The following WDR47 variants were observed in gnomAD, a reference collection of about 807,000 sequenced individuals.
WDR47 encodes the protein WD repeat domain 47.
WDR47 carries 32 observed loss-of-function variants against 97.2 expected under a neutral mutation model. That is an observed-to-expected ratio of 0.33 (90% confidence interval 0.25 to 0.44). WDR47 has a LOEUF of 0.44. Ranked by LOEUF, WDR47 falls within the 20% of genes least tolerant of loss-of-function variation. The probability of loss-of-function intolerance (pLI) is 1.00; values close to 1 mark genes in which losing one functional copy is unlikely to be tolerated. For missense variants in WDR47, 782 were observed against 1,102.3 expected, an observed-to-expected ratio of 0.71 and a Z score of 4.11; for synonymous variants, 375 against 373.5, an observed-to-expected ratio of 1.00 and a Z score of -0.05.
chr1:109,017,176 AAC>A (rs1661478498), intron 3 of WDR47, among the ~76,000 whole-genome samples: 1 of 152,174 alleles, frequency 6.6e-6, no homozygotes, highest in African/African-American at 2.4e-5. Context: ...ACATTAAATC[AAC>A]TTAAAATAAT....
chr1:108,982,132 T>C (rs2101815793), intron 12 of WDR47, among the ~76,000 whole-genome samples: 1 of 152,120 alleles, frequency 6.6e-6, no homozygotes, highest in South Asian at 2.1e-4. Context: ...ACAGGGCAAG[T>C]GGTGGTCTGG....
intron 1 of WDR47, among the ~76,000 whole-genome samples, chr1:109,026,303 G>A (rs1348662121): frequency 6.6e-6 from 1 of 150,994 alleles, no homozygotes; most frequent in Non-Finnish European, 1.5e-5. Flanking sequence ...CTCTCGCCTC[G>A]GCATCCCAAA....
intron 1 of WDR47, among the ~76,000 whole-genome samples, chr1:109,040,089 C>CAACTCAAA (rs1352632587): frequency 6.7e-6 from 1 of 148,984 alleles, no homozygotes; most frequent in Non-Finnish European, 1.5e-5. Context: ...AAAGTGCTTT[C>CAACTCAAA]AACTCAAAGC....
chr1:109,041,126 C>T (rs1463451834), intron 1 of WDR47, among the ~76,000 whole-genome samples: 2 of 151,488 alleles, frequency 1.3e-5, no homozygotes, highest in African/African-American at 2.4e-5. Flanking sequence ...CTACCCTCGC[C>T]CCCCGCCCCC....
rs1342087461 is a variant in WDR47 at position 108,971,452 on chromosome 1, G to A, written c.2738C>T (p.Thr913Ile). Residue 913 changes from threonine (T) to isoleucine (I), a missense_variant, in exon 15 of 15, where the codon ACC becomes ATC. By Grantham distance (89) the Thr-to-Ile change is moderately conservative. Around this residue, in one of 3 missense-constraint regions of WDR47, gnomAD observed 228 missense variants for 396.7 expected, o/e 0.57. Transcript: ENST00000369962. ...FLSSSADRTV[T>I]LWTYNG ...GCTCTACCCATTGTAAGTCCAGAGG[G>A]TGACAGTTCTATCTGCAGAGGATGA... The A allele has an allele frequency of 3.1e-6, 5 of 1,614,080 alleles. No homozygotes were observed. Among genetic ancestry groups the A allele is most frequent in the South Asian group, 2.2e-5 (2 of 91,084 alleles).
chr1:109,017,452 T>C, intron 3 of WDR47, 66 bp downstream of exon 3: 1 of 1,349,830 alleles, frequency 7.4e-7, no homozygotes, highest in Non-Finnish European at 1.0e-6. Context: ...AATGAAAATT[T>C]TTGTTCATTG....
In WDR47 at chr1:109,011,846, C is replaced by T. The variant is rs765610980; in HGVS notation, c.328-128G>A. ...CTCATATAATTTGTAGGATATGCAA[C>T]AGCTTTCAAGATAGGAACATAATGT... On this transcript the variant is annotated intron_variant, in intron 4 of 14. Coordinates refer to ENST00000369962, the MANE Select transcript of WDR47 (RefSeq NM_001142551.2). The T allele has an allele frequency of 4.0e-4, 344 of 856,580 alleles. 2 individuals are homozygous for T. Among genetic ancestry groups the T allele is most frequent in the Middle Eastern group, 2.3e-3 (6 of 2,648 alleles). 53.1% of individuals were successfully genotyped at this position (856,580 alleles called of 1,614,324 possible). A position where few individuals can be genotyped will look rare whatever the true frequency, so the allele number is the denominator to read the frequency against.
chr1:108,991,498 A>G (rs1168504218), intron 8 of WDR47, among the ~76,000 whole-genome samples, 169 bp from the exon 9 acceptor site: 2 of 152,206 alleles, frequency 1.3e-5, no homozygotes, highest in Non-Finnish European at 2.9e-5. Flanking sequence ...AGTGGCACCA[A>G]TGACAGTTGT....
chr1:109,035,367 G>A (rs1267063290), intron 1 of WDR47, among the ~76,000 whole-genome samples: 1 of 151,974 alleles, frequency 6.6e-6, no homozygotes, highest in Non-Finnish European at 1.5e-5. Context: ...GGATCTAGGA[G>A]AAGAAAAGGG....
chr1:109,006,363 A>T (rs1218024329), intron 5 of WDR47, among the ~76,000 whole-genome samples: 1 of 103,134 alleles, frequency 9.7e-6, no homozygotes, highest in Non-Finnish European at 2.4e-5. Context: ...ATTGCAGTCC[A>T]GCCTGGGCAA....
chr1:108,997,182 T>G (rs1277517105), intron 7 of WDR47, among the ~76,000 whole-genome samples: 1 of 151,090 alleles, frequency 6.6e-6, no homozygotes, highest in African/African-American at 2.4e-5. Context: ...TCCCAGAACT[T>G]TGGGAGGCCA....
At chr1:109,023,614 A>G in intron 1 of WDR47, 93 bp from the exon 2 acceptor site, 1 of 1,269,742 alleles carries the variant, frequency 7.9e-7, no homozygotes, top group Non-Finnish European at 1.1e-6. Context: ...GTTTACTGGG[A>G]ATCTTTAGTA....
At chr1:108,997,751 C>A (rs1441744514) in intron 7 of WDR47, among the ~76,000 whole-genome samples, 1 of 87,972 alleles carries the variant, frequency 1.1e-5, no homozygotes, top group Non-Finnish European at 2.1e-5. Flanking sequence ...CAGAGCAAGA[C>A]TCCATCTCAA....
At chr1:109,025,221 T>C (rs1415130755) in intron 1 of WDR47, among the ~76,000 whole-genome samples, 1 of 150,872 alleles carries the variant, frequency 6.6e-6, no homozygotes. Flanking sequence ...GAGGATCACA[T>C]GAGCCCAGGA....
intron 1 of WDR47, among the ~76,000 whole-genome samples, chr1:109,030,626 G>A: frequency 1.1e-5 from 1 of 90,292 alleles, no homozygotes; most frequent in East Asian, 3.3e-4. Flanking sequence ...GTATTACAGA[G>A]TGCCTAACAT....
intron 1 of WDR47, among the ~76,000 whole-genome samples, chr1:109,023,742 T>A (rs1662010990): frequency 6.6e-6 from 1 of 152,190 alleles, no homozygotes; most frequent in African/African-American, 2.4e-5. Context: ...CATATTGGAA[T>A]AATTACAGAT....
chr1:109,039,477 C>CA (rs1477815417), intron 1 of WDR47, among the ~76,000 whole-genome samples: 3 of 152,268 alleles, frequency 2.0e-5, no homozygotes, highest in African/African-American at 7.2e-5. Context: ...AGGCTGGTCT[C>CA]AAACTCCTGA....
At chr1:108,972,010 A>G (rs1030605224) in intron 14 of WDR47, among the ~76,000 whole-genome samples, 3 of 152,050 alleles carry the variant, frequency 2.0e-5, no homozygotes, top group African/African-American at 7.2e-5. Context: ...TTTATCTCCA[A>G]TCTTGGTTCT....
chr1:108,992,750 G>C, intron 8 of WDR47: 1 of 1,596,252 alleles, frequency 6.3e-7, no homozygotes, highest in South Asian at 1.1e-5. Flanking sequence ...GGAACAGATT[G>C]TTCCTAAACC....
Sources: allele counts gnomAD v4.1 joint callset (sites outside exome capture counted in the v4.1 genomes callset), GRCh38; gene constraint gnomAD v4.1.1; regional missense constraint gnomAD v4.1.1; transcripts MANE v1.5; gene names NCBI Gene and HGNC (gene_info 2026-07-23, HGNC 2026-07-21).